ZC3H3: variants seen among roughly 807,000 people sequenced by gnomAD.
ZC3H3 encodes zinc finger CCCH domain-containing protein 3.
A neutral mutation model predicts 77.3 loss-of-function variants in ZC3H3; 36 were observed. The observed-to-expected ratio is 0.47, with a 90% CI of 0.36 to 0.61. The LOEUF (loss-of-function observed/expected upper bound fraction) is 0.61, where lower values mean the gene tolerates loss of function less well. Among genes scored for constraint, ZC3H3 ranks in the 20% least tolerant of loss-of-function variants. The pLI is 0.00. For synonymous variants in ZC3H3, 626 were observed against 555.2 expected (o/e 1.13, Z -1.79); for missense variants, 1,331 against 1,312.2 (o/e 1.01, Z -0.22).
In ZC3H3 at chr8:143,541,447, G is replaced by A; in HGVS notation, c.-26C>T. The A allele has an allele frequency of 1.2e-6, 2 of 1,611,462 alleles. No individual in the cohort carries two copies. Among genetic ancestry groups the A allele is most frequent in the Admixed American group, 1.7e-5 (1 of 59,976 alleles). The stretch of plus-strand genomic sequence containing the variant: ...CTCCCGAGTCCGCGACGGCCGGCCA[G>A]GCCCCCACGACGTCATCGCTACGCG... On this transcript the variant is annotated 5_prime_UTR_variant, in exon 1 of 12. Transcript: ENST00000262577.
intron 4 of ZC3H3, among the ~76,000 whole-genome samples, chr8:143,501,584 G>A (rs1039232618): frequency 5.3e-5 from 8 of 152,156 alleles, no homozygotes; most frequent in Admixed American, 3.3e-4. Context: ...GCCACGGGGC[G>A]CTGGTTTTAC....
rs140251637 is a variant in ZC3H3, at chr8:143,513,131, G to A, written c.1562-5232C>T. 2.1e-3 allele frequency among the ~76,000 whole-genome samples: 317 copies of A among 152,264 alleles called. 2 individuals are homozygous for A. Among genetic ancestry groups the A allele is most frequent in the African/African-American group, 7.1e-3 (293 of 41,552 alleles). On this transcript the variant is annotated intron_variant, in intron 3 of 11. Coordinates refer to ENST00000262577, the MANE Select transcript of ZC3H3 (RefSeq NM_015117.3). ...AGGGCCAGACCCGCCCTGTGCTGCT[G>A]CATGGCTGGCACCATGCTCACACCC... is the stretch of plus-strand genomic sequence containing the variant.
intron 3 of ZC3H3, among the ~76,000 whole-genome samples, chr8:143,529,588 C>T (rs1822534781): frequency 1.3e-5 from 2 of 152,192 alleles, no homozygotes; most frequent in South Asian, 2.1e-4. Context: ...CAGGAAATGT[C>T]GCACCACAGT....
Position 143,538,485 on chromosome 8 carries a change from C to T in ZC3H3, c.882G>A (p.Glu294=). The change falls in exon 2 of 12, where the codon GAG becomes GAA. Residue 294 remains glutamate (E), a synonymous_variant. Coordinates refer to ENST00000262577, the MANE Select transcript of ZC3H3 (RefSeq NM_015117.3). ...RPASGPRQAR[E]ASLVVTCRTN... is the part of the protein sequence containing the mutation. Reference sequence around the variant, plus strand: ...TTCGACAGGTCACAACCAGCGAGGCCTCCCGGGCCTGCCTGGGTCCTGAGG... The same window carrying T: ...TTCGACAGGTCACAACCAGCGAGGCTTCCCGGGCCTGCCTGGGTCCTGAGG... 6.2e-7 allele frequency: 1 copy of T among 1,612,952 alleles called. No homozygotes were observed.
At chr8:143,472,457 C>T (rs1820595494) in intron 5 of ZC3H3, among the ~76,000 whole-genome samples, 1 of 152,230 alleles carries the variant, frequency 6.6e-6, no homozygotes, top group African/African-American at 2.4e-5. Context: ...AGCAGCACCA[C>T]AGCCTCCCAG....
chr8:143,443,718 T>C (rs956840006), intron 9 of ZC3H3, among the ~76,000 whole-genome samples: 60 of 152,052 alleles, frequency 3.9e-4, no homozygotes, highest in African/African-American at 1.5e-3. Flanking sequence ...AATCAGGAAA[T>C]AAAGAGAAGG....
intron 4 of ZC3H3, among the ~76,000 whole-genome samples, chr8:143,483,746 A>G (rs1424122288): frequency 6.6e-6 from 1 of 152,150 alleles, no homozygotes; most frequent in Non-Finnish European, 1.5e-5. Flanking sequence ...ACCCTCTTCT[A>G]ACTTACTCCT....
chr8:143,499,565 CA>C (rs35425784), intron 4 of ZC3H3, among the ~76,000 whole-genome samples: 2 of 152,170 alleles, frequency 1.3e-5, no homozygotes, highest in African/African-American at 2.4e-5. Flanking sequence ...CTCCATTAAC[CA>C]AAACCAGAAG....
At chr8:143,491,800 A>C (rs780422009) in intron 4 of ZC3H3, among the ~76,000 whole-genome samples, 1 of 152,200 alleles carries the variant, frequency 6.6e-6, no homozygotes, top group Non-Finnish European at 1.5e-5. Flanking sequence ...TGGGCCCTAG[A>C]GAAGGAGCAG....
At chr8:143,470,800 T>C (rs146124776) in intron 5 of ZC3H3, among the ~76,000 whole-genome samples, 6 of 152,286 alleles carry the variant, frequency 3.9e-5, no homozygotes, top group Non-Finnish European at 5.9e-5. Context: ...TGTTAAAAAA[T>C]GCACATAAAA....
At chr8:143,541,193 A>G (rs989444015) in intron 1 of ZC3H3, among the ~76,000 whole-genome samples, 183 bp downstream of exon 1, 1 of 152,094 alleles carries the variant, frequency 6.6e-6, no homozygotes, top group African/African-American at 2.4e-5. Flanking sequence ...ACAAAGCTGG[A>G]GCCGGGGACT....
At position 143,441,030 on chromosome 8, in the gene ZC3H3, G is replaced by T; in HGVS notation, c.2398C>A (p.Gln800Lys). 1 of 1,485,678 alleles carries T rather than the reference G, an allele frequency of 6.7e-7. No individual in the cohort carries two copies. Among genetic ancestry groups the T allele is most frequent in the East Asian group, 2.7e-5 (1 of 36,994 alleles). 92.0% of individuals were successfully genotyped at this position (1,485,678 alleles called of 1,614,324 possible). A position where few individuals can be genotyped will look rare whatever the true frequency, so the allele number is the denominator to read the frequency against. ...GAQCQLLHRTQKRHSRRAATS... is the reference protein window; with the variant it reads ...GAQCQLLHRTKKRHSRRAATS... ...GCTGCCCGCCGACTGTGGCGTTTCT[G>T]GGTACGGTGGAGCAGCTGGCACTGG... The change falls in exon 10 of 12, where the codon CAG (glutamine) becomes AAG (lysine). Residue 800 changes from glutamine to lysine, a missense_variant. By Grantham distance (53) the Gln-to-Lys change is moderately conservative. Around this residue, in one of 3 missense-constraint regions of ZC3H3, gnomAD observed 249 missense variants for 236.9 expected, o/e 1.05. Transcript: ENST00000262577.
chr8:143,474,360 C>G (rs955419779), intron 5 of ZC3H3, among the ~76,000 whole-genome samples: 2 of 152,236 alleles, frequency 1.3e-5, no homozygotes, highest in African/African-American at 4.8e-5. Flanking sequence ...ACCAGGACCC[C>G]CCAGCCCCAG....
At chr8:143,514,723 G>A (rs1821978488) in intron 3 of ZC3H3, among the ~76,000 whole-genome samples, 1 of 152,148 alleles carries the variant, frequency 6.6e-6, no homozygotes, top group Non-Finnish European at 1.5e-5. Context: ...TGGGCTCACC[G>A]CCTGGACGTT....
rs76250146 is a variant in ZC3H3, at chr8:143,494,500, C to A, written c.1715+13246G>T. On this transcript the variant is annotated intron_variant, in intron 4 of 11. Coordinates refer to ENST00000262577, the MANE Select transcript of ZC3H3 (RefSeq NM_015117.3). This position sits in a 1 kb window ranked among gnomAD's most constrained non-coding sequence, Gnocchi z 5.3. The stretch of plus-strand genomic sequence containing the variant: ...ACAGTGCAGGAGCCTGTGGCCACCC[C>A]TGCCAACAGGCCCACACAAGGCCCG... Among the ~76,000 whole-genome samples the A allele has an allele frequency of 0.011, 1,693 of 152,322 alleles. 35 individuals are homozygous for A. The highest frequency in any genetic ancestry group is 0.039 in the African/African-American group (1,604 of 41,574).
chr8:143,521,920 A>G (rs747780926), intron 3 of ZC3H3, among the ~76,000 whole-genome samples: 1 of 152,236 alleles, frequency 6.6e-6, no homozygotes, highest in Non-Finnish European at 1.5e-5. Flanking sequence ...GAGAGCCAGC[A>G]TCAGTGGGCA....
chr8:143,512,839 G>A (rs1172528748), intron 3 of ZC3H3, among the ~76,000 whole-genome samples: 3 of 152,236 alleles, frequency 2.0e-5, no homozygotes, highest in Admixed American at 2.0e-4. Flanking sequence ...CGCCTAATTA[G>A]AGCTGTGATT....
Position 143,437,930 on chromosome 8 carries a change from G to A in ZC3H3, c.*126C>T. Reference sequence around the variant, plus strand: ...TTGAGGGCCAGGCAGGCAGAGCAGTGTCCCTGTGGCCCCCAGGTGAGGCTT... The same window carrying A: ...TTGAGGGCCAGGCAGGCAGAGCAGTATCCCTGTGGCCCCCAGGTGAGGCTT... On this transcript the variant is annotated 3_prime_UTR_variant, in exon 12 of 12. Transcript: ENST00000262577. 2.3e-6 allele frequency: 3 copies of A among 1,320,974 alleles called. No individual in the cohort carries two copies. The highest frequency in any genetic ancestry group is 1.5e-5 in the African/African-American group (1 of 68,386). The allele number at this position is 1,320,974 out of a possible 1,614,324, so 81.8% of individuals were successfully genotyped here. A position where few individuals can be genotyped will look rare whatever the true frequency, so the allele number is the denominator to read the frequency against.
chr8:143,510,824 T>A (rs1821847159), intron 3 of ZC3H3, among the ~76,000 whole-genome samples: 1 of 152,150 alleles, frequency 6.6e-6, no homozygotes, highest in Admixed American at 6.5e-5. Context: ...CTCCCAGGGC[T>A]GTAATTTTTT....
Sources: allele counts gnomAD v4.1 joint callset (sites outside exome capture counted in the v4.1 genomes callset), GRCh38; gene constraint gnomAD v4.1.1; regional missense constraint gnomAD v4.1.1; non-coding constraint Gnocchi (gnomAD v3.1); transcripts MANE v1.5; gene names NCBI Gene and HGNC (gene_info 2026-07-23, HGNC 2026-07-21).